Variants in SPAG16 observed in about 807,000 individuals in gnomAD.
SPAG16 encodes the protein sperm associated antigen 16.
SPAG16 carries 86 observed loss-of-function variants against 80.4 expected under a neutral mutation model. That is an observed-to-expected ratio of 1.07 (90% CI 0.90 to 1.28). SPAG16 has a LOEUF of 1.28. Among genes scored for constraint, SPAG16 ranks in the 50% most tolerant of loss-of-function variants. SPAG16 has a pLI of 0.00. For synonymous variants in SPAG16, 294 were observed against 265.9 expected (o/e 1.11, Z -1.03); for missense variants, 870 against 765.3 (o/e 1.14, Z -1.61).
rs556049185 is a variant in SPAG16 at position 214,095,403 on chromosome 2, C to T, written c.1528-12793C>T. 5.3e-5 allele frequency among the ~76,000 whole-genome samples: 8 copies of T among 152,182 alleles called. No homozygotes were observed. In the East Asian group the frequency reaches 1.5e-3, roughly 29 times the overall value. On this transcript the variant is annotated intron_variant, in intron 13 of 15. Transcript: ENST00000331683. ...AAATTAATCACACGTGTCTATCATA[C>T]ACGGTGACTGGTGTTCACTTTGGAG...
At chr2:213,979,336 G>T (rs1205411422) in intron 12 of SPAG16, among the ~76,000 whole-genome samples, 1 of 151,958 alleles carries the variant, frequency 6.6e-6, no homozygotes, top group South Asian at 2.1e-4. Flanking sequence ...TCTTATCCAA[G>T]ACATTACCAA....
intron 1 of SPAG16, among the ~76,000 whole-genome samples, chr2:213,294,615 G>C (rs548405584): frequency 4.0e-4 from 61 of 152,142 alleles, no homozygotes; most frequent in Non-Finnish European, 4.1e-4. Flanking sequence ...ATAAAATACT[G>C]ACCTTTTGAC....
At chr2:213,340,129 G>T (rs1489784077) in intron 5 of SPAG16, 34 bp from the exon 6 acceptor site, 11 of 1,413,940 alleles carry the variant, frequency 7.8e-6, no homozygotes, top group Middle Eastern at 1.8e-4. Flanking sequence ...AAAAGAATTA[G>T]CAGTGATTTA....
intron 12 of SPAG16, among the ~76,000 whole-genome samples, chr2:213,957,132 A>T (rs1394091633): frequency 6.6e-6 from 1 of 151,666 alleles, no homozygotes; most frequent in South Asian, 2.1e-4. Context: ...TGTTTGTTGG[A>T]TCAAGTTGCT....
chr2:213,521,075 A>G (rs1017970926), intron 10 of SPAG16, among the ~76,000 whole-genome samples: 2 of 151,984 alleles, frequency 1.3e-5, no homozygotes, highest in African/African-American at 4.8e-5. Flanking sequence ...TGATCCTCTT[A>G]TGTGTGTGTG....
chr2:213,933,154 T>C (rs1388808880), intron 12 of SPAG16, among the ~76,000 whole-genome samples: 2 of 152,076 alleles, frequency 1.3e-5, no homozygotes, highest in African/African-American at 2.4e-5. Context: ...CACAAATCAA[T>C]AAAATGATGA....
intron 10 of SPAG16, among the ~76,000 whole-genome samples, chr2:213,711,098 C>T (rs1341067787): frequency 6.6e-6 from 1 of 152,088 alleles, no homozygotes; most frequent in Non-Finnish European, 1.5e-5. Context: ...AAATCTTTAG[C>T]TGCCGGTGTT....
intron 10 of SPAG16, among the ~76,000 whole-genome samples, chr2:213,591,311 C>T (rs1002784092): frequency 1.3e-5 from 2 of 152,110 alleles, no homozygotes; most frequent in East Asian, 3.8e-4. Context: ...AATAGTCATT[C>T]ACACTTCTAG....
At chr2:213,835,156 G>A (rs140886221) in intron 10 of SPAG16, among the ~76,000 whole-genome samples, 192 of 152,178 alleles carry the variant, frequency 1.3e-3, no homozygotes, top group African/African-American at 4.1e-3. Flanking sequence ...CAGACACAAA[G>A]CTTAGAGATT....
intron 15 of SPAG16, among the ~76,000 whole-genome samples, chr2:214,372,691 T>G (rs1699897820): frequency 6.6e-6 from 1 of 152,174 alleles, no homozygotes; most frequent in South Asian, 2.1e-4. Flanking sequence ...CAAAAGAATA[T>G]GTCATTTGAC....
chr2:213,453,199 C>T (rs998433979), intron 9 of SPAG16, among the ~76,000 whole-genome samples: 1 of 152,116 alleles, frequency 6.6e-6, no homozygotes, highest in Non-Finnish European at 1.5e-5. Flanking sequence ...ATATTTATTT[C>T]TTCCATTTCA....
At chr2:214,286,730 G>C (rs1693395337) in intron 15 of SPAG16, among the ~76,000 whole-genome samples, 1 of 152,182 alleles carries the variant, frequency 6.6e-6, no homozygotes, top group African/African-American at 2.4e-5. Context: ...CTGGGCGACA[G>C]AGTGAGACTG....
chr2:214,304,909 G>A (rs879685384), intron 15 of SPAG16, among the ~76,000 whole-genome samples: 2 of 152,140 alleles, frequency 1.3e-5, no homozygotes, highest in Non-Finnish European at 1.5e-5. Flanking sequence ...GGATTGCTTG[G>A]TCAAATGGTA....
At chr2:213,937,307 G>A (rs150077552) in intron 12 of SPAG16, among the ~76,000 whole-genome samples, 73 of 152,086 alleles carry the variant, frequency 4.8e-4, no homozygotes, top group Admixed American at 1.2e-3. Context: ...TGGATTATTG[G>A]TACATTAATA....
chr2:214,257,726 T>A (rs1690797611), intron 15 of SPAG16, among the ~76,000 whole-genome samples: 1 of 152,140 alleles, frequency 6.6e-6, no homozygotes, highest in African/African-American at 2.4e-5. Context: ...TATATATTAC[T>A]GGATTAATTT....
intron 10 of SPAG16, among the ~76,000 whole-genome samples, chr2:213,684,223 T>C (rs1158180138): frequency 1.3e-5 from 2 of 152,214 alleles, no homozygotes; most frequent in Non-Finnish European, 2.9e-5. Context: ...GTCATTTCTC[T>C]CACAAAAAAC....
chr2:213,605,673 C>T (rs1322845473), intron 10 of SPAG16, among the ~76,000 whole-genome samples: 1 of 151,820 alleles, frequency 6.6e-6, no homozygotes, highest in East Asian at 1.9e-4. Context: ...ATGTTTTTAG[C>T]AGAGATGGGG....
chr2:213,942,899 G>A (rs1241354613), intron 12 of SPAG16, among the ~76,000 whole-genome samples: 25 of 152,184 alleles, frequency 1.6e-4, no homozygotes, highest in Non-Finnish European at 5.9e-5. Context: ...ATTTGAAGGT[G>A]AGGCCTTTGG....
At chr2:213,306,806 C>T (rs1320491682) in intron 3 of SPAG16, among the ~76,000 whole-genome samples, 1 of 152,026 alleles carries the variant, frequency 6.6e-6, no homozygotes. Flanking sequence ...CTCTCCATGC[C>T]ACTTGGCCAC....
Sources: allele counts gnomAD v4.1 joint callset (sites outside exome capture counted in the v4.1 genomes callset), GRCh38; gene constraint gnomAD v4.1.1; transcripts MANE v1.5; gene names NCBI Gene and HGNC (gene_info 2026-07-23, HGNC 2026-07-21).